The following CSMD1 variants were observed in gnomAD, a reference collection of about 807,000 sequenced individuals.
The protein encoded by CSMD1 is CUB and Sushi multiple domains 1.
CSMD1 carries 213 observed loss-of-function variants against 417.5 expected under a neutral mutation model. That is an observed-to-expected ratio of 0.51 (90% CI 0.46 to 0.57). The LOEUF is 0.57. Ranked by LOEUF, CSMD1 falls within the 20% of genes least tolerant of loss-of-function variation. The pLI, the probability that CSMD1 is intolerant of heterozygous loss-of-function variation, is 0.00. For missense variants in CSMD1, 6,923 were observed against 4,529.7 expected (o/e 1.53, Z -15.17); for synonymous variants, 2,862 against 1,736.8 (o/e 1.65, Z -16.11).
chr8:3,755,507 T>C (rs1020079861), intron 5 of CSMD1, among the ~76,000 whole-genome samples: 1 of 152,202 alleles, frequency 6.6e-6, no homozygotes, highest in African/African-American at 2.4e-5. Flanking sequence ...TAGCAGGAAC[T>C]TGAACTGTGG....
At chr8:4,313,860 A>T (rs1408560639) in intron 3 of CSMD1, among the ~76,000 whole-genome samples, 1 of 152,006 alleles carries the variant, frequency 6.6e-6, no homozygotes, top group African/African-American at 2.4e-5. Flanking sequence ...CTAAAAATAC[A>T]AAAATTAGCT....
chr8:3,656,914 G>C (rs938733985), intron 7 of CSMD1, among the ~76,000 whole-genome samples: 1 of 137,764 alleles, frequency 7.3e-6, no homozygotes, highest in Non-Finnish European at 1.5e-5. Flanking sequence ...AACAGAGCAA[G>C]ACTCTGTCTA....
chr8:3,525,169 G>C (rs950399310), intron 10 of CSMD1, among the ~76,000 whole-genome samples: 4 of 152,134 alleles, frequency 2.6e-5, no homozygotes, highest in African/African-American at 9.7e-5. Context: ...GGGTCTTCTT[G>C]TCTGTGTTCT....
At chr8:3,456,108 G>A (rs1563056043) in intron 12 of CSMD1, among the ~76,000 whole-genome samples, 3 of 152,304 alleles carry the variant, frequency 2.0e-5, no homozygotes, top group South Asian at 2.1e-4. Context: ...GACCCTCAAA[G>A]CCAGGTGCAG....
intron 3 of CSMD1, among the ~76,000 whole-genome samples, chr8:4,109,418 G>A (rs939902730): frequency 3.3e-5 from 5 of 151,996 alleles, no homozygotes; most frequent in African/African-American, 9.7e-5. Context: ...TCTTAATCAC[G>A]GTGAAAGTTT....
At chr8:4,493,834 GAC>G (rs1253777760) in intron 2 of CSMD1, among the ~76,000 whole-genome samples, 1 of 152,162 alleles carries the variant, frequency 6.6e-6, no homozygotes, top group Admixed American at 6.5e-5. Context: ...TTCACAGCAG[GAC>G]ACAGTTTTTA....
intron 7 of CSMD1, among the ~76,000 whole-genome samples, chr8:3,686,511 A>G (rs572855280): frequency 1.3e-5 from 2 of 152,304 alleles, no homozygotes; most frequent in African/African-American, 4.8e-5. Context: ...GCCAGTTACA[A>G]GATCATGTCA....
intron 2 of CSMD1, among the ~76,000 whole-genome samples, chr8:4,539,179 T>G (rs1797256070): frequency 6.6e-6 from 1 of 152,220 alleles, no homozygotes; most frequent in African/African-American, 2.4e-5. Flanking sequence ...ACAATTTGAA[T>G]TATTTTGCAG....
intron 1 of CSMD1, among the ~76,000 whole-genome samples, chr8:4,677,295 G>C (rs1288450898): frequency 2.0e-5 from 3 of 151,788 alleles, no homozygotes; most frequent in Admixed American, 2.0e-4. Flanking sequence ...AGAAATTAAA[G>C]TGAAGAAAGA....
chr8:3,985,886 A>T (rs1814287046), intron 5 of CSMD1, among the ~76,000 whole-genome samples: 1 of 151,568 alleles, frequency 6.6e-6, no homozygotes, highest in South Asian at 2.1e-4. Flanking sequence ...TTCCCAATTC[A>T]TCGTGCACTC....
intron 1 of CSMD1, among the ~76,000 whole-genome samples, chr8:4,988,801 G>T (rs1342467620): frequency 6.6e-6 from 1 of 152,206 alleles, no homozygotes; most frequent in Non-Finnish European, 1.5e-5. Flanking sequence ...TTCACACTCT[G>T]CATCCAAAGA....
intron 5 of CSMD1, among the ~76,000 whole-genome samples, chr8:3,932,347 G>T (rs1288812534): frequency 6.6e-6 from 1 of 150,464 alleles, no homozygotes; most frequent in African/African-American, 2.5e-5. Context: ...TTTATTCTGC[G>T]ACTAGAGGAA....
At chr8:4,201,304 C>T (rs1392431816) in intron 3 of CSMD1, among the ~76,000 whole-genome samples, 1 of 151,928 alleles carries the variant, frequency 6.6e-6, no homozygotes, top group African/African-American at 2.4e-5. Context: ...TTTGGGAGGC[C>T]GAGGCGGGCG....
At chr8:3,354,613 CT>C (rs1363381714) in intron 21 of CSMD1, among the ~76,000 whole-genome samples, 6 of 152,000 alleles carry the variant, frequency 3.9e-5, no homozygotes, top group Admixed American at 2.6e-4. Flanking sequence ...CAAAATGGTA[CT>C]ATTTTTAGCC....
intron 3 of CSMD1, among the ~76,000 whole-genome samples, chr8:4,274,357 T>A (rs901748394): frequency 2.6e-5 from 4 of 152,178 alleles, no homozygotes; most frequent in African/African-American, 9.6e-5. Context: ...GTTTCACTTT[T>A]CTAAACTATG....
At chr8:3,830,751 A>G (rs1478081679) in intron 5 of CSMD1, among the ~76,000 whole-genome samples, 2 of 152,194 alleles carry the variant, frequency 1.3e-5, no homozygotes, top group Admixed American at 6.5e-5. Context: ...TAATTATTCA[A>G]AAGAACTTAA....
chr8:3,308,188 A>C, intron 24 of CSMD1, 124 bp downstream of exon 24: 1 of 737,050 alleles, frequency 1.4e-6, no homozygotes, highest in South Asian at 2.1e-5. Flanking sequence ...CAGAATACAT[A>C]AAACTCACAC....
intron 1 of CSMD1, among the ~76,000 whole-genome samples, chr8:4,745,956 G>A (rs1483285472): frequency 6.6e-6 from 1 of 152,080 alleles, no homozygotes; most frequent in Non-Finnish European, 1.5e-5. Flanking sequence ...GTATCTCATC[G>A]GTACGCTTTG....
intron 3 of CSMD1, among the ~76,000 whole-genome samples, chr8:4,258,013 A>C (rs1232529201): frequency 6.6e-6 from 1 of 151,966 alleles, no homozygotes; most frequent in African/African-American, 2.4e-5. Context: ...TAAACAACAG[A>C]CATTTATTTC....
Sources: allele counts gnomAD v4.1 joint callset (sites outside exome capture counted in the v4.1 genomes callset), GRCh38; gene constraint gnomAD v4.1.1; transcripts MANE v1.5; gene names NCBI Gene and HGNC (gene_info 2026-07-23, HGNC 2026-07-21).